Variants in SAP130 observed in about 807,000 individuals in gnomAD.
The protein encoded by SAP130 is Sin3A associated protein 130, also known as histone deacetylase complex subunit SAP130.
A neutral mutation model predicts 103.2 loss-of-function variants in SAP130; 16 were observed. The observed-to-expected ratio is 0.16, with a 90% CI of 0.10 to 0.24. The LOEUF (loss-of-function observed/expected upper bound fraction) is 0.24. Ranked by LOEUF, SAP130 falls within the 10% of genes least tolerant of loss-of-function variation. The pLI is 1.00. For missense variants in SAP130, 990 were observed against 1,359.7 expected (o/e 0.73, Z 4.28); for synonymous variants, 477 against 497.0 (o/e 0.96, Z 0.53).
At chr2:127,966,952 A>T (rs1226720482) in intron 15 of SAP130, among the ~76,000 whole-genome samples, 1 of 152,194 alleles carries the variant, frequency 6.6e-6, no homozygotes, top group Non-Finnish European at 1.5e-5. Context: ...TCAATAACAT[A>T]CAAAATGTGA....
chr2:127,984,900 T>C (rs2438028), intron 14 of SAP130, among the ~76,000 whole-genome samples: 107,829 of 152,130 alleles, frequency 0.71, 39,092 homozygotes, highest in East Asian at 0.83. Context: ...TTTAACACTT[T>C]TCAAACTCAA....
intron 11 of SAP130, among the ~76,000 whole-genome samples, chr2:127,994,955 T>A (rs1032432020): frequency 6.6e-6 from 1 of 152,180 alleles, no homozygotes; most frequent in Non-Finnish European, 1.5e-5. Flanking sequence ...GGGATGGACA[T>A]ATCAATGTAT....
intron 13 of SAP130, 73 bp from the exon 14 acceptor site, chr2:127,987,035 AT>A: frequency 7.5e-7 from 1 of 1,328,788 alleles, no homozygotes; most frequent in Non-Finnish European, 1.1e-6. Context: ...ATAAATAAAA[AT>A]GATGAGACCA....
chr2:128,025,108 T>G lies in SAP130; in HGVS notation c.112+1073A>C, dbSNP rs7560749. ...GAATCCAGTGGTGAAGAAAAAGGAA[T>G]AGAAAAGCATTTATTTCACTTTGCA... On this transcript the variant is annotated intron_variant, in intron 2 of 20. Coordinates refer to ENST00000643581, the MANE Select transcript of SAP130 (RefSeq NM_001330301.2). 7.2e-3 allele frequency among the ~76,000 whole-genome samples: 1,085 copies of G among 150,954 alleles called. 19 individuals carry two copies. Among genetic ancestry groups the G allele is most frequent in the African/African-American group, 0.025 (1,043 of 41,042 alleles).
intron 7 of SAP130, among the ~76,000 whole-genome samples, chr2:128,005,364 C>G (rs968731868): frequency 3.9e-5 from 6 of 152,122 alleles, no homozygotes; most frequent in African/African-American, 1.4e-4. Context: ...CACCTGTAAT[C>G]CCAACACTCT....
rs781061291 is a variant in SAP130 at position 127,999,817 on chromosome 2, T to C, written c.1137A>G (p.Thr379=). ...AGSVSHTQAP[T]STIVTMTVPS... ...GTACTGTCATGGTAACAATGGTACT[T>C]GTGGGAGCTTGCGTGTGTGACACAG... The change falls in exon 10 of 21, where the codon ACA becomes ACG. Residue 379 remains threonine (T), a synonymous_variant. Transcript: ENST00000643581. 52 of 1,535,768 alleles carry C rather than the reference T, an allele frequency of 3.4e-5. No homozygotes were observed. In the South Asian group the frequency reaches 6.4e-4, roughly 19 times the overall value.
At chr2:127,968,250 CA>C (rs1680808718) in intron 15 of SAP130, among the ~76,000 whole-genome samples, 1 of 151,474 alleles carries the variant, frequency 6.6e-6, no homozygotes, top group Non-Finnish European at 1.5e-5. Flanking sequence ...CTGGGGATTA[CA>C]GGCGGCCCCC....
rs183913949 is a variant in SAP130 at position 128,014,598 on chromosome 2, A to G, written c.619+205T>C. Among the ~76,000 whole-genome samples, 772 of 152,186 alleles carry G rather than the reference A, an allele frequency of 5.1e-3. 4 individuals are homozygous for G. The highest frequency in any genetic ancestry group is 8.2e-3 in the Non-Finnish European group (559 of 68,008). On this transcript the variant is annotated intron_variant, in intron 5 of 20. Coordinates refer to ENST00000643581, the MANE Select transcript of SAP130 (RefSeq NM_001330301.2). ...GTGAACCTACCACCTCAGCCTCCCA[A>G]AGTGTTGGGTTTATAGACATGAACC...
chr2:128,003,108 GACAC>G (rs1683687800), intron 7 of SAP130, among the ~76,000 whole-genome samples: 1 of 151,526 alleles, frequency 6.6e-6, no homozygotes, highest in African/African-American at 2.4e-5. Flanking sequence ...CAGCCTGGGC[GACAC>G]ATGAGAGGGT....
rs1682429268 is a variant in SAP130, at chr2:127,986,791, G to A, written c.1952C>T (p.Thr651Ile). 1 of 1,613,668 alleles carries A rather than the reference G, an allele frequency of 6.2e-7. No individual in the cohort carries two copies. The highest frequency in any genetic ancestry group is 1.3e-5 in the African/African-American group (1 of 74,922). The change falls in exon 14 of 21, where the codon ACA becomes ATA. Residue 651 changes from threonine (T) to isoleucine (I), a missense_variant. By Grantham distance (89) the Thr-to-Ile change is moderately conservative. This residue lies in a region of SAP130 where 349 missense variants were observed against 384.1 expected (regional missense o/e 0.91). Coordinates refer to ENST00000643581, the MANE Select transcript of SAP130 (RefSeq NM_001330301.2). The surrounding 1 kb of genome is among the most constrained non-coding windows in gnomAD (Gnocchi z 4.7). The part of the protein sequence containing the change: ...RPSILRKKPA[T>I]DGMAVRKTLI... ...CACTACCAGGTCTACTCACCCATCT[G>A]TGGCAGGTTTCTTCCGGAGTATGCT...
chr2:127,998,408 G>T, intron 10 of SAP130, among the ~76,000 whole-genome samples: 1 of 152,062 alleles, frequency 6.6e-6, no homozygotes, highest in East Asian at 1.9e-4. Context: ...AGCTGAATTC[G>T]ATTTAATATC....
chr2:128,022,352 T>C (rs897646294), intron 2 of SAP130, among the ~76,000 whole-genome samples: 4 of 152,260 alleles, frequency 2.6e-5, no homozygotes, highest in Non-Finnish European at 5.9e-5. Context: ...TTGCTTATCC[T>C]GTCACCATCT....
intron 15 of SAP130, among the ~76,000 whole-genome samples, chr2:127,975,046 C>T (rs1681362678): frequency 6.6e-6 from 1 of 152,148 alleles, no homozygotes; most frequent in East Asian, 1.9e-4. Flanking sequence ...TCTCTCAGAA[C>T]GTATCCCCAT....
chr2:127,963,450 G>A (rs765515696), intron 15 of SAP130, among the ~76,000 whole-genome samples: 4 of 152,062 alleles, frequency 2.6e-5, no homozygotes, highest in Non-Finnish European at 4.4e-5. Flanking sequence ...AGCCGGTCTC[G>A]AACTCCTGGG....
intron 14 of SAP130, among the ~76,000 whole-genome samples, chr2:127,984,629 T>A (rs185612067): frequency 6.6e-6 from 1 of 152,302 alleles, no homozygotes; most frequent in East Asian, 1.9e-4. Context: ...AGTAGAGTCC[T>A]CTTCTCATTT....
chr2:127,970,054 CCT>C (rs1680960244), intron 15 of SAP130, among the ~76,000 whole-genome samples: 1 of 150,832 alleles, frequency 6.6e-6, no homozygotes, highest in Admixed American at 6.6e-5. Context: ...ATGGTGAAAC[CCT>C]GTCTCTACTA....
At chr2:127,950,880 G>A (rs565382406) in intron 16 of SAP130, among the ~76,000 whole-genome samples, 1 of 152,320 alleles carries the variant, frequency 6.6e-6, no homozygotes, top group African/African-American at 2.4e-5. Flanking sequence ...GAGCAAAGAG[G>A]TGGAAGGAGC....
intron 15 of SAP130, among the ~76,000 whole-genome samples, chr2:127,969,763 T>A (rs1052802596): frequency 6.6e-6 from 1 of 152,210 alleles, no homozygotes; most frequent in Non-Finnish European, 1.5e-5. Context: ...GTTCACATAA[T>A]GTATTTGTCT....
chr2:127,977,397 G>A (rs1681542849), intron 15 of SAP130, among the ~76,000 whole-genome samples: 1 of 151,236 alleles, frequency 6.6e-6, no homozygotes. Flanking sequence ...CTACTCCGGT[G>A]GCCGAGGCAG....
Sources: gnomAD v4.1 joint callset for allele counts (sites outside exome capture counted in the v4.1 genomes callset) on GRCh38, gnomAD v4.1.1 for gene constraint, gnomAD v4.1.1 regional missense constraint, Gnocchi (gnomAD v3.1) non-coding constraint, MANE v1.5 for transcripts, NCBI Gene and HGNC (gene_info 2026-07-23, HGNC 2026-07-21) for gene names.